The following GNAZ variants were observed in gnomAD, a reference collection of about 807,000 sequenced individuals.
GNAZ encodes the protein guanine nucleotide-binding protein G(z) subunit alpha.
In GNAZ, 3 loss-of-function variants were observed where a neutral mutation model predicts 25.4. That is an observed-to-expected ratio of 0.12 (90% CI 0.05 to 0.30). GNAZ has a LOEUF of 0.30. Among genes scored for constraint, GNAZ ranks in the 10% least tolerant of loss-of-function variants. GNAZ has a pLI of 1.00. For missense variants in GNAZ, 241 were observed against 501.8 expected, an observed-to-expected ratio of 0.48 and a Z score of 4.97; for synonymous variants, 211 against 205.7, an observed-to-expected ratio of 1.03 and a Z score of -0.22.
intron 1 of GNAZ, among the ~76,000 whole-genome samples, chr22:23,092,517 G>A (rs373967876): frequency 9.1e-4 from 139 of 152,302 alleles, no homozygotes; most frequent in African/African-American, 3.2e-3. Flanking sequence ...GGTTGTGACT[G>A]TTCGTCACTG....
intron 1 of GNAZ, among the ~76,000 whole-genome samples, chr22:23,086,046 C>T (rs2068811035): frequency 6.6e-6 from 1 of 152,274 alleles, no homozygotes; most frequent in Non-Finnish European, 1.5e-5. Flanking sequence ...AGCGGTTCCT[C>T]TACACTGTTT....
intron 2 of GNAZ, among the ~76,000 whole-genome samples, chr22:23,115,779 A>G (rs2069814280): frequency 6.6e-6 from 1 of 152,186 alleles, no homozygotes; most frequent in Admixed American, 6.5e-5. Context: ...TTTATTTTCT[A>G]AACCTCAGTT....
At chr22:23,083,186 A>G (rs1449781733) in intron 1 of GNAZ, among the ~76,000 whole-genome samples, 1 of 152,144 alleles carries the variant, frequency 6.6e-6, no homozygotes, top group Non-Finnish European at 1.5e-5. Context: ...TGTGATGCAC[A>G]TTTGAGAAAT....
rs141908347 is a variant in GNAZ at position 23,106,568 on chromosome 22, C to T, written c.723+10150C>T. ...GCCCAGCAGCACAGTTCCTGAGCTCCTGCCCCTCCCCTGGCTAGTGAGGAG... is the reference window on the plus strand; with the variant it reads ...GCCCAGCAGCACAGTTCCTGAGCTCTTGCCCCTCCCCTGGCTAGTGAGGAG... On this transcript the variant is annotated intron_variant, in intron 2 of 2. Transcript: ENST00000615612. Among the ~76,000 whole-genome samples, 5 of 152,308 alleles carry T rather than the reference C, an allele frequency of 3.3e-5. No individual in the cohort carries two copies. In the East Asian group the frequency reaches 9.7e-4, roughly 29 times the overall value.
chr22:23,100,597 A>ACCCC, intron 2 of GNAZ, among the ~76,000 whole-genome samples: 1 of 151,734 alleles, frequency 6.6e-6, no homozygotes. Flanking sequence ...TTCCTGAGGA[A>ACCCC]CCCCTCCCCA....
At chr22:23,115,584 G>C (rs894827791) in intron 2 of GNAZ, among the ~76,000 whole-genome samples, 11 of 152,120 alleles carry the variant, frequency 7.2e-5, no homozygotes, top group African/African-American at 2.7e-4. Context: ...GAACAGGAAG[G>C]TGGGGTGACC....
At chr22:23,078,633 A>G (rs2068578119) in intron 1 of GNAZ, among the ~76,000 whole-genome samples, 1 of 152,214 alleles carries the variant, frequency 6.6e-6, no homozygotes, top group Admixed American at 6.5e-5. Context: ...TGCGGTCCCC[A>G]GGGACCACAG....
chr22:23,108,837 G>T (rs1727450738), intron 2 of GNAZ, among the ~76,000 whole-genome samples: 1 of 152,258 alleles, frequency 6.6e-6, no homozygotes, highest in South Asian at 2.1e-4. Flanking sequence ...TGGAGAGGTG[G>T]TGTCCCTATT....
At chr22:23,083,031 G>A (rs561604236) in intron 1 of GNAZ, among the ~76,000 whole-genome samples, 41 of 152,290 alleles carry the variant, frequency 2.7e-4, no homozygotes, top group African/African-American at 9.9e-4. Flanking sequence ...CCAGGCAGGA[G>A]GCTCCAGGGA....
chr22:23,112,205 T>C (rs1216687270), intron 2 of GNAZ, among the ~76,000 whole-genome samples: 1 of 152,182 alleles, frequency 6.6e-6, no homozygotes, highest in Non-Finnish European at 1.5e-5. Flanking sequence ...GGTTCCCAGC[T>C]GCATTTCTGG....
At chr22:23,110,941 CT>C (rs1434496403) in intron 2 of GNAZ, among the ~76,000 whole-genome samples, 1 of 152,232 alleles carries the variant, frequency 6.6e-6, no homozygotes, top group African/African-American at 2.4e-5. Context: ...TGTCTGTCCT[CT>C]TGTCCACTTG....
At chr22:23,106,389 G>A (rs1158340831) in intron 2 of GNAZ, among the ~76,000 whole-genome samples, 1 of 152,242 alleles carries the variant, frequency 6.6e-6, no homozygotes, top group Non-Finnish European at 1.5e-5. Flanking sequence ...TGCCCAGTGG[G>A]TGAAGCCCAG....
At chr22:23,103,597 G>A (rs141912172) in intron 2 of GNAZ, among the ~76,000 whole-genome samples, 5 of 152,172 alleles carry the variant, frequency 3.3e-5, no homozygotes, top group South Asian at 2.1e-4. Context: ...GCTCTTCCTC[G>A]GCAGATTTAA....
intron 1 of GNAZ, among the ~76,000 whole-genome samples, chr22:23,079,248 G>A (rs778262083): frequency 2.0e-5 from 3 of 152,228 alleles, no homozygotes; most frequent in African/African-American, 2.4e-5. Flanking sequence ...GCGAATATGG[G>A]GGTCATTTTC....
intron 2 of GNAZ, among the ~76,000 whole-genome samples, chr22:23,102,081 G>A (rs1181539328): frequency 6.6e-6 from 1 of 152,222 alleles, no homozygotes; most frequent in Non-Finnish European, 1.5e-5. Context: ...ACCAACACTT[G>A]TGAACAGCCC....
At chr22:23,083,559 G>A (rs1405510737) in intron 1 of GNAZ, among the ~76,000 whole-genome samples, 1 of 152,192 alleles carries the variant, frequency 6.6e-6, no homozygotes, top group Non-Finnish European at 1.5e-5. Flanking sequence ...GGGAAGCAGA[G>A]CTGGTGCTTG....
rs548572317 is a variant in GNAZ, at chr22:23,084,590, G to A, written c.-449-10657G>A. 1.4e-4 allele frequency among the ~76,000 whole-genome samples: 22 copies of A among 152,340 alleles called. No homozygotes were observed. The East Asian group carries it at 4.2e-3, about 29-fold the overall frequency. On this transcript the variant is annotated intron_variant, in intron 1 of 2. Coordinates refer to ENST00000615612, the MANE Select transcript of GNAZ (RefSeq NM_002073.4). Reference sequence around the variant, plus strand: ...GGCCAGGATGAAGCAGCATGGGGAAGCCTTGAGCACTGGATGTGAACATAT... The same window carrying A: ...GGCCAGGATGAAGCAGCATGGGGAAACCTTGAGCACTGGATGTGAACATAT...
At chr22:23,085,133 C>G (rs1462748670) in intron 1 of GNAZ, among the ~76,000 whole-genome samples, 1 of 152,194 alleles carries the variant, frequency 6.6e-6, no homozygotes, top group East Asian at 1.9e-4. Flanking sequence ...TCTCCCCAGG[C>G]TAAGCCCGTC....
intron 2 of GNAZ, 116 bp from the exon 3 acceptor site, chr22:23,122,971 A>C: frequency 1.5e-6 from 1 of 674,102 alleles, no homozygotes; most frequent in Non-Finnish European, 2.6e-6. Context: ...GTGCCATTGC[A>C]GGGACCAGTC....
Sources: allele counts gnomAD v4.1 joint callset (sites outside exome capture counted in the v4.1 genomes callset), GRCh38; gene constraint gnomAD v4.1.1; transcripts MANE v1.5; gene names NCBI Gene and HGNC (gene_info 2026-07-23, HGNC 2026-07-21).